Variants in ARFGEF2 observed in about 807,000 individuals in gnomAD.
ARFGEF2 encodes the protein ARF guanine nucleotide exchange factor 2, also known as brefeldin A-inhibited guanine nucleotide-exchange protein 2.
ARFGEF2 carries 74 observed loss-of-function variants against 219.9 expected under a neutral mutation model. That is an observed-to-expected ratio of 0.34 (90% CI 0.28 to 0.41). The LOEUF is 0.41. Among genes scored for constraint, ARFGEF2 ranks in the 10% least tolerant of loss-of-function variants. The pLI is 1.00. For synonymous variants in ARFGEF2, 733 were observed against 799.2 expected, an observed-to-expected ratio of 0.92 and a Z score of 1.40; for missense variants, 1,743 against 2,218.3, an observed-to-expected ratio of 0.79 and a Z score of 4.30.
In ARFGEF2 at chr20:48,928,503, C is replaced by CT. The variant is rs1374476353; in HGVS notation, c.121+6504dup. 8.5e-4 allele frequency among the ~76,000 whole-genome samples: 86 copies of CT among 100,676 alleles called. 2 individuals are homozygous for CT. The highest frequency in any genetic ancestry group is 9.6e-3 in the Middle Eastern group (1 of 104). The allele number at this position is 100,676 out of a possible 152,430, so 66.0% of individuals were successfully genotyped here. ...GTGAGCCACCGCGCCCGGCCGCAAT[C>CT]TTTTTTTTTTTGAGCCAGTCTCGCT... On this transcript the variant is annotated intron_variant, in intron 1 of 38. Coordinates refer to ENST00000371917, the MANE Select transcript of ARFGEF2 (RefSeq NM_006420.3).
intron 14 of ARFGEF2, among the ~76,000 whole-genome samples, chr20:48,980,554 G>T (rs993690644): frequency 7.2e-5 from 11 of 152,152 alleles, no homozygotes; most frequent in Admixed American, 5.9e-4. Context: ...CTTCTGTCTT[G>T]TTGATCTGTC....
chr20:48,963,731 C>T, intron 6 of ARFGEF2, 99 bp from the exon 7 acceptor site: 1 of 1,190,168 alleles, frequency 8.4e-7, no homozygotes, highest in South Asian at 1.3e-5. Flanking sequence ...GCACCCTTTG[C>T]CTTCTGAAAT....
rs2091251135 is a variant in ARFGEF2, at chr20:48,974,865, A to G, written c.1765A>G (p.Thr589Ala). Residue 589 changes from threonine to alanine, a missense_variant, in exon 13 of 39, where the codon ACC becomes GCC. Thr to Ala is a moderately conservative substitution (Grantham distance 58). Around this residue, in one of 5 missense-constraint regions of ARFGEF2, gnomAD observed 666 missense variants for 955.4 expected, o/e 0.70. Coordinates refer to ENST00000371917, the MANE Select transcript of ARFGEF2 (RefSeq NM_006420.3). ...CCTGTATGTGAATCCCAACCACCAG[A>G]CCAGCCTCGGTGAGACAGCATTGCT... Reference protein sequence around the residue: ...KDLYVNPNHQTSLGQERLTDQ... With the variant: ...KDLYVNPNHQASLGQERLTDQ... 1 of 1,613,308 alleles carries G rather than the reference A, an allele frequency of 6.2e-7. No individual in the cohort carries two copies. Among genetic ancestry groups the G allele is most frequent in the Non-Finnish European group, 8.5e-7 (1 of 1,179,632 alleles).
At chr20:48,925,833 A>G (rs939141598) in intron 1 of ARFGEF2, among the ~76,000 whole-genome samples, 3 of 152,166 alleles carry the variant, frequency 2.0e-5, no homozygotes, top group Non-Finnish European at 2.9e-5. Flanking sequence ...TGAGACCCTC[A>G]CACAAAAGTG....
intron 14 of ARFGEF2, among the ~76,000 whole-genome samples, chr20:48,979,660 A>G (rs1224688929): frequency 6.6e-6 from 1 of 151,918 alleles, no homozygotes; most frequent in Non-Finnish European, 1.5e-5. Flanking sequence ...AGAGCCTGTT[A>G]TTGGTCTATT....
chr20:48,981,489 G>A (rs187781382), intron 14 of ARFGEF2, among the ~76,000 whole-genome samples: 2 of 152,224 alleles, frequency 1.3e-5, no homozygotes, highest in East Asian at 3.9e-4. Context: ...GAGTATCTTT[G>A]TGGTGTTCTC....
At chr20:49,024,808 C>T (rs1252820076) in intron 35 of ARFGEF2, among the ~76,000 whole-genome samples, 1 of 152,042 alleles carries the variant, frequency 6.6e-6, no homozygotes, top group Non-Finnish European at 1.5e-5. Flanking sequence ...TCATTCTGAC[C>T]AACATGGTGA....
At position 49,032,144 on chromosome 20, in the gene ARFGEF2, C is replaced by T; in HGVS notation, c.5159C>T (p.Thr1720Ile). The T allele has an allele frequency of 1.2e-6, 2 of 1,613,328 alleles. No individual in the cohort carries two copies. Among genetic ancestry groups the T allele is most frequent in the Non-Finnish European group, 1.7e-6 (2 of 1,179,406 alleles). Residue 1720 changes from threonine (T) to isoleucine (I), a missense_variant, in exon 38 of 39, where the codon ACC becomes ATC. By Grantham distance (89) the Thr-to-Ile change is moderately conservative. Transcript: ENST00000371917. ...TSLLLLLLTK[T>I]LKINDEKFKA... ...CTCTTGTTGTTACTTCTAACTAAAA[C>T]CCTCAAAATAAATGATGAAAAGGTA...
intron 38 of ARFGEF2, among the ~76,000 whole-genome samples, chr20:49,032,730 C>T (rs1326463074): frequency 2.6e-5 from 4 of 151,720 alleles, no homozygotes; most frequent in Admixed American, 6.6e-5. Context: ...TAGCTGGGAC[C>T]ACAGACACGC....
At chr20:48,961,301 T>C (rs1439062817) in intron 6 of ARFGEF2, among the ~76,000 whole-genome samples, 1 of 151,962 alleles carries the variant, frequency 6.6e-6, no homozygotes, top group Admixed American at 6.6e-5. Flanking sequence ...AATTTTTAGG[T>C]TTTTAAAACT....
At chr20:48,960,884 A>G (rs1346249267) in intron 6 of ARFGEF2, among the ~76,000 whole-genome samples, 1 of 151,282 alleles carries the variant, frequency 6.6e-6, no homozygotes, top group Non-Finnish European at 1.5e-5. Flanking sequence ...GATCGAGACC[A>G]TCCTGGCCAA....
intron 35 of ARFGEF2, 142 bp downstream of exon 35, chr20:49,023,323 T>C: frequency 3.4e-6 from 4 of 1,167,874 alleles, no homozygotes; most frequent in Non-Finnish European, 3.7e-6. Flanking sequence ...AGTGATGGCA[T>C]GTTGATGCTT....
intron 37 of ARFGEF2, among the ~76,000 whole-genome samples, 187 bp downstream of exon 37, chr20:49,028,855 G>C (rs2091618170): frequency 6.6e-6 from 1 of 152,104 alleles, no homozygotes; most frequent in Admixed American, 6.6e-5. Context: ...AGCCTCATCT[G>C]TTTCACTGTT....
At position 49,033,054 on chromosome 20, in the gene ARFGEF2, A is replaced by C; in HGVS notation, c.5213A>C (p.Tyr1738Ser). Residue 1738 changes from tyrosine (Y) to serine (S), a missense_variant, in exon 39 of 39, where the codon TAC (tyrosine) becomes TCC (serine). Physicochemically the swap from Tyr to Ser is moderately radical, Grantham distance 144. Coordinates refer to ENST00000371917, the MANE Select transcript of ARFGEF2 (RefSeq NM_006420.3). ...GCACATGCTTCAATGTACTACCCCTACTTGTGTGAAATTATGCAGTTTGAC... is the reference window on the plus strand; with the variant it reads ...GCACATGCTTCAATGTACTACCCCTCCTTGTGTGAAATTATGCAGTTTGAC... ...FKAHASMYYP[Y>S]LCEIMQFDLI... 6.2e-7 allele frequency: 1 copy of C among 1,613,740 alleles called. No individual in the cohort carries two copies.
At chr20:48,979,690 TG>T (rs1339219786) in intron 14 of ARFGEF2, among the ~76,000 whole-genome samples, 2 of 152,204 alleles carry the variant, frequency 1.3e-5, no homozygotes, top group Admixed American at 1.3e-4. Flanking sequence ...AACTTCTTCC[TG>T]GTTTAGTCTT....
At chr20:49,024,747 C>T (rs1041305335) in intron 35 of ARFGEF2, among the ~76,000 whole-genome samples, 3 of 152,176 alleles carry the variant, frequency 2.0e-5, no homozygotes, top group African/African-American at 7.2e-5. Flanking sequence ...CGCCTGTAAT[C>T]CCAGCACTTT....
intron 1 of ARFGEF2, among the ~76,000 whole-genome samples, chr20:48,932,551 T>A (rs2090919772): frequency 6.6e-6 from 1 of 152,298 alleles, no homozygotes; most frequent in South Asian, 2.1e-4. Context: ...GTTTGGGATT[T>A]TGCCAGAAGT....
intron 10 of ARFGEF2, 95 bp downstream of exon 10, chr20:48,971,449 TA>T: frequency 9.8e-7 from 1 of 1,023,554 alleles, no homozygotes; most frequent in South Asian, 1.5e-5. Flanking sequence ...AATATTACAC[TA>T]AGCATTAGGA....
chr20:48,922,337 A>C (rs1043793466), intron 1 of ARFGEF2, among the ~76,000 whole-genome samples: 1 of 152,120 alleles, frequency 6.6e-6, no homozygotes, highest in Non-Finnish European at 1.5e-5. Context: ...CCTTGCCCCA[A>C]GTTTTTTCGT....
Sources: allele counts gnomAD v4.1 joint callset (sites outside exome capture counted in the v4.1 genomes callset), GRCh38; gene constraint gnomAD v4.1.1; regional missense constraint gnomAD v4.1.1; transcripts MANE v1.5; gene names NCBI Gene and HGNC (gene_info 2026-07-23, HGNC 2026-07-21).